Variants in FAM3A observed in about 807,000 individuals in gnomAD.
FAM3A encodes FAM3 metabolism regulating signaling molecule A.
Under a neutral mutation model 18.1 loss-of-function variants are expected in FAM3A, and 5 were observed. The ratio of observed to expected loss-of-function variants is 0.28; its 90% CI spans 0.14 to 0.58. The LOEUF (loss-of-function observed/expected upper bound fraction) is 0.58. Among genes scored for constraint, FAM3A ranks in the 20% least tolerant of loss-of-function variants. The pLI is 0.91. For missense variants in FAM3A, 154 were observed against 216.6 expected, an observed-to-expected ratio of 0.71 and a Z score of 1.81; for synonymous variants, 108 against 90.2, an observed-to-expected ratio of 1.20 and a Z score of -1.12.
At position 154,506,597 on chromosome X, in the gene FAM3A, C is replaced by T. The variant is rs781946510; in HGVS notation, c.*214G>A. 5.4e-5 allele frequency: 23 copies of T among 422,630 alleles called. No homozygotes were observed. The highest frequency in any genetic ancestry group is 7.9e-5 in the Non-Finnish European group (19 of 241,513). The allele number at this position is 422,630 out of a possible 1,213,427, so 34.8% of individuals were successfully genotyped here. A position where few individuals can be genotyped will look rare whatever the true frequency, so the allele number is the denominator to read the frequency against. ...AAAGGAGGCGGGTACCCTGGGCTCC[C>T]GTGACAAAGTGCGGCAGGGCTACCC... On this transcript the variant is annotated 3_prime_UTR_variant, in exon 9 of 9. Transcript: ENST00000447601.
intron 3 of FAM3A, chrX:154,510,818 T>C (rs1458416175): frequency 9.1e-6 from 1 of 109,752 alleles, no homozygotes; most frequent in Admixed American, 9.8e-5. Flanking sequence ...TCCCAGCTAA[T>C]CAGGAGGCTG....
rs2069506644 is a variant in FAM3A, at chrX:154,506,174, T to C, written c.*637A>G. On this transcript the variant is annotated 3_prime_UTR_variant, in exon 9 of 9. Coordinates refer to ENST00000447601, the MANE Select transcript of FAM3A (RefSeq NM_021806.4). ...CAACAGCATCTGAAGGCATTTCTTC[T>C]GTGGGGCCATCACTTTATTAAGGGG... 8.9e-6 allele frequency: 1 copy of C among 112,456 alleles called. No homozygotes were observed. Among genetic ancestry groups the C allele is most frequent in the Non-Finnish European group, 1.9e-5 (1 of 53,693 alleles). The allele number at this position is 112,456 out of a possible 1,213,427, so 9.3% of individuals were successfully genotyped here.
Position 154,512,925 on chromosome X carries a change from T to C in FAM3A, c.25A>G (p.Ile9Val), listed in dbSNP as rs2069974688. Residue 9 changes from isoleucine (I) to valine (V), a missense_variant, in exon 2 of 9, where the codon ATT becomes GTT. Ile to Val is a conservative substitution (Grantham distance 29, BLOSUM62 3). Transcript: ENST00000447601. The stretch of plus-strand genomic sequence containing the variant: ...CCCACACTGACGACTAGGACCACAA[T>C]GCGGAGAGGGCCTGGAGGCAGGATA... MRLAGPLR[I>V]VVLVVSVGVT... 1.7e-6 allele frequency: 2 copies of C among 1,201,892 alleles called. No homozygotes were observed. The highest frequency in any genetic ancestry group is 1.1e-6 in the Non-Finnish European group (1 of 887,834).
rs973904722 is a variant in FAM3A, at chrX:154,506,715, C to T, written c.*96G>A. 1.6e-5 allele frequency: 11 copies of T among 685,284 alleles called. No homozygotes were observed. The highest frequency in any genetic ancestry group is 4.4e-4 in the Middle Eastern group (1 of 2,251). The allele number at this position is 685,284 out of a possible 1,213,427, so 56.5% of individuals were successfully genotyped here. A position where few individuals can be genotyped will look rare whatever the true frequency, so the allele number is the denominator to read the frequency against. ...GTTGGGGCCAGGGAGCGCTCCTGCC[C>T]GGGTGTGGGGTGTGAGCCTCAGCCT... On this transcript the variant is annotated 3_prime_UTR_variant, in exon 9 of 9. Coordinates refer to ENST00000447601, the MANE Select transcript of FAM3A (RefSeq NM_021806.4).
rs201768658 is a variant in FAM3A, at chrX:154,512,807, G to A, written c.127+16C>T. Reference sequence around the variant, plus strand: ...GGTGGCCTCCAGAGAAGGATAAGGCGGGGTCCCACACTCACTGGTGAAGAG... The same window carrying A: ...GGTGGCCTCCAGAGAAGGATAAGGCAGGGTCCCACACTCACTGGTGAAGAG... On this transcript the variant is annotated intron_variant, in intron 2 of 8. Transcript: ENST00000447601. The A allele has an allele frequency of 2.7e-4, 310 of 1,155,926 alleles. No individual in the cohort carries two copies. Among genetic ancestry groups the A allele is most frequent in the Middle Eastern group, 1.4e-3 (6 of 4,228 alleles).
chrX:154,508,940 T>C, intron 3 of FAM3A: 1 of 284,252 alleles, frequency 3.5e-6, no homozygotes, highest in South Asian at 3.8e-5. Context: ...GCAAAGGCAG[T>C]GTGGCAGGGG....
At chrX:154,511,554 T>C (rs2069872610) in intron 3 of FAM3A, 1 of 317,882 alleles carries the variant, frequency 3.1e-6, no homozygotes, top group Non-Finnish European at 5.6e-6. Context: ...TGAAACCAAA[T>C]GAATTTTGCC....
intron 3 of FAM3A, 115 bp downstream of exon 3, chrX:154,511,733 G>T: frequency 1.4e-6 from 1 of 705,293 alleles, no homozygotes; most frequent in Non-Finnish European, 2.2e-6. Flanking sequence ...AGCAGCCCCC[G>T]TGGACCACCA....
At chrX:154,511,817 G>A in intron 3 of FAM3A, 31 bp downstream of exon 3, 1 of 1,194,379 alleles carries the variant, frequency 8.4e-7, no homozygotes, top group Non-Finnish European at 1.1e-6. Flanking sequence ...TGTCACAAAG[G>A]GGAGGAGCAG....
intron 8 of FAM3A, 103 bp from the exon 9 acceptor site, chrX:154,507,009 C>T (rs1426242496): frequency 2.7e-5 from 24 of 895,313 alleles, no homozygotes; most frequent in African/African-American, 2.0e-4. Context: ...TGTTGGCCAA[C>T]GGTGTACTCT....
chrX:154,514,358 C>T (rs1442121549), intron 1 of FAM3A, among the ~76,000 whole-genome samples: 1 of 111,445 alleles, frequency 9.0e-6, no homozygotes, highest in Non-Finnish European at 1.9e-5. Context: ...ATTCTCCTGC[C>T]TCAGCCTCCC....
At chrX:154,512,253 AT>A in intron 2 of FAM3A, 1 of 207,298 alleles carries the variant, frequency 4.8e-6, no homozygotes, top group Admixed American at 6.8e-5. Context: ...AATAATAATA[AT>A]AATAATAATA....
At chrX:154,508,193 T>C (rs2069662438) in intron 5 of FAM3A, 96 bp downstream of exon 5, 3 of 668,238 alleles carry the variant, frequency 4.5e-6, no homozygotes, top group East Asian at 3.6e-5. Flanking sequence ...CTGGGAGATC[T>C]TGAATGGGAG....
At chrX:154,514,674 G>A (rs965591304) in intron 1 of FAM3A, among the ~76,000 whole-genome samples, 1 of 112,099 alleles carries the variant, frequency 8.9e-6, no homozygotes, top group Admixed American at 9.4e-5. Context: ...AAAGTGCTGG[G>A]ATTACAGGTG....
In FAM3A at chrX:154,514,633, A is replaced by T. The variant is rs1290094495; in HGVS notation, c.13+1127T>A. Among the ~76,000 whole-genome samples, 27 of 110,655 alleles carry T rather than the reference A, an allele frequency of 2.4e-4. No homozygotes were observed. The Middle Eastern group carries it at 0.014, about 59-fold the overall frequency. On this transcript the variant is annotated intron_variant, in intron 1 of 8. Transcript: ENST00000447601. ...GTTAGCCAGGATGGTCTTGATCTCC[A>T]GACCTCGTGATCCGCCCGCCTCGGC... is the stretch of plus-strand genomic sequence containing the variant.
intron 8 of FAM3A, 28 bp downstream of exon 8, chrX:154,507,175 T>G (rs1242234520): frequency 2.5e-6 from 3 of 1,179,655 alleles, no homozygotes. Context: ...GCTGCCCCGG[T>G]GGGGGTGATG....
intron 1 of FAM3A, among the ~76,000 whole-genome samples, chrX:154,514,453 A>G (rs1230216537): frequency 2.0e-5 from 2 of 100,588 alleles, no homozygotes; most frequent in Admixed American, 2.1e-4. Context: ...GCCCAGACTG[A>G]AGTGCAGTGG....
intron 8 of FAM3A, 123 bp downstream of exon 8, chrX:154,507,080 C>A: frequency 1.0e-6 from 1 of 998,190 alleles, no homozygotes; most frequent in Non-Finnish European, 1.4e-6. Flanking sequence ...ACTGGCCCAC[C>A]CCTCATAGCT....
intron 3 of FAM3A, chrX:154,509,574 G>C (rs1026550225): frequency 1.8e-5 from 2 of 111,841 alleles, no homozygotes; most frequent in African/African-American, 6.5e-5. Context: ...GAATACCACA[G>C]ACTGGGTAAT....
Sources: allele counts gnomAD v4.1 joint callset (sites outside exome capture counted in the v4.1 genomes callset), GRCh38; gene constraint gnomAD v4.1.1; transcripts MANE v1.5; gene names NCBI Gene and HGNC (gene_info 2026-07-23, HGNC 2026-07-21).